Variants in CUX2 observed in about 807,000 individuals in gnomAD.
CUX2 encodes the protein cut like homeobox 2.
In CUX2, 40 loss-of-function variants were observed where a neutral mutation model predicts 144.8. The ratio of observed to expected loss-of-function variants is 0.28; its 90% confidence interval spans 0.21 to 0.36. The LOEUF is 0.36. Ranked by LOEUF, CUX2 falls within the 10% of genes least tolerant of loss-of-function variation. The pLI is 1.00. For missense variants in CUX2, 1,615 were observed against 1,994.0 expected (o/e 0.81, Z 3.62); for synonymous variants, 827 against 875.6 (o/e 0.94, Z 0.98).
intron 1 of CUX2, among the ~76,000 whole-genome samples, chr12:111,206,033 A>G (rs373383414): frequency 6.6e-6 from 1 of 152,252 alleles, no homozygotes; most frequent in Non-Finnish European, 1.5e-5. Flanking sequence ...AGAAAACTCA[A>G]GACAAGAACC....
At position 111,295,919 on chromosome 12, in the gene CUX2, G is replaced by A. The variant is rs140143245; in HGVS notation, c.637+510G>A. The stretch of plus-strand genomic sequence containing the variant: ...AGCCACTGCTTAGTACCAGCCAGGC[G>A]CTACCATATGGTCCCCTGTGGCCAG... On this transcript the variant is annotated intron_variant, in intron 7 of 21. Coordinates refer to ENST00000261726, the MANE Select transcript of CUX2 (RefSeq NM_015267.4). This position sits in a 1 kb window ranked among gnomAD's most constrained non-coding sequence, Gnocchi z 5.0. 1.3e-4 allele frequency among the ~76,000 whole-genome samples: 20 copies of A among 152,126 alleles called. No individual in the cohort carries two copies. The highest frequency in any genetic ancestry group is 5.2e-4 in the Admixed American group (8 of 15,288).
intron 1 of CUX2, among the ~76,000 whole-genome samples, chr12:111,038,931 G>T (rs1194462777): frequency 6.6e-6 from 1 of 151,230 alleles, no homozygotes; most frequent in African/African-American, 2.4e-5. Flanking sequence ...GGTGGTGGTG[G>T]TTTTTCTTTC....
At chr12:111,306,876 C>T (rs781531354) in intron 10 of CUX2, 45 bp from the exon 11 acceptor site, 8 of 1,511,604 alleles carry the variant, frequency 5.3e-6, no homozygotes, top group Non-Finnish European at 7.2e-6. Context: ...CCTGTGGACC[C>T]CCATCCCTCA....
At chr12:111,173,365 G>A (rs918933013) in intron 1 of CUX2, among the ~76,000 whole-genome samples, 1 of 152,240 alleles carries the variant, frequency 6.6e-6, no homozygotes, top group South Asian at 2.1e-4. Flanking sequence ...ATGCCAGGGG[G>A]CACTTTCTTT....
At chr12:111,278,897 C>T (rs1885000300) in intron 4 of CUX2, among the ~76,000 whole-genome samples, 1 of 152,158 alleles carries the variant, frequency 6.6e-6, no homozygotes, top group Non-Finnish European at 1.5e-5. Context: ...TTGGCAGAAT[C>T]CTGTAATTGT....
intron 1 of CUX2, among the ~76,000 whole-genome samples, chr12:111,194,531 C>T (rs1348743871): frequency 1.3e-5 from 2 of 152,240 alleles, no homozygotes; most frequent in Non-Finnish European, 2.9e-5. Flanking sequence ...ACTCCCGACC[C>T]TGCTGGGCCC....
At chr12:111,130,015 T>G (rs1056552166) in intron 1 of CUX2, among the ~76,000 whole-genome samples, 4 of 152,200 alleles carry the variant, frequency 2.6e-5, no homozygotes, top group African/African-American at 7.2e-5. Context: ...CTGGAATCAA[T>G]GTCAGTTCTG....
chr12:111,135,580 C>T (rs1051996435), intron 1 of CUX2, among the ~76,000 whole-genome samples: 13 of 152,184 alleles, frequency 8.5e-5, no homozygotes, highest in South Asian at 2.1e-4. Context: ...AGAACCAACC[C>T]GCATGTGCAT....
At chr12:111,134,618 C>CTGTGTGTGTGTGTGTGTG (rs773865569) in intron 1 of CUX2, among the ~76,000 whole-genome samples, 6 of 146,230 alleles carry the variant, frequency 4.1e-5, no homozygotes, top group African/African-American at 1.6e-4. Context: ...CTCTCTCTCT[C>CTGTGTGTGTGTGTGTGTG]TCTGTGTGTG....
chr12:111,291,022 C>A (rs1885651811), intron 4 of CUX2, among the ~76,000 whole-genome samples: 1 of 151,988 alleles, frequency 6.6e-6, no homozygotes, highest in African/African-American at 2.4e-5. Flanking sequence ...ACCACCACAC[C>A]CGGCTAATTT....
At chr12:111,264,236 GCCAA>G (rs1884270472) in intron 4 of CUX2, among the ~76,000 whole-genome samples, 1 of 152,138 alleles carries the variant, frequency 6.6e-6, no homozygotes, top group South Asian at 2.1e-4. Flanking sequence ...GAATGGCACA[GCCAA>G]CCCCAAAAAT....
chr12:111,081,021 C>T (rs777090152), intron 1 of CUX2, among the ~76,000 whole-genome samples: 2 of 152,130 alleles, frequency 1.3e-5, no homozygotes, highest in African/African-American at 2.4e-5. Flanking sequence ...TACATAGGAG[C>T]TCTTATAGCT....
intron 1 of CUX2, among the ~76,000 whole-genome samples, chr12:111,213,253 C>G (rs1202272496): frequency 6.6e-6 from 1 of 152,158 alleles, no homozygotes; most frequent in African/African-American, 2.4e-5. Flanking sequence ...AGCAGCCGAC[C>G]ACATAAACAG....
intron 1 of CUX2, among the ~76,000 whole-genome samples, chr12:111,194,251 C>G (rs1037407066): frequency 2.0e-5 from 3 of 152,186 alleles, no homozygotes; most frequent in Non-Finnish European, 2.9e-5. Flanking sequence ...CAGCACCCCC[C>G]TCCTGGGGTT....
chr12:111,145,854 T>TTTTTG (rs550078285), intron 1 of CUX2, among the ~76,000 whole-genome samples: 15 of 151,732 alleles, frequency 9.9e-5, no homozygotes, highest in African/African-American at 2.2e-4. Context: ...TGTTTGTTTG[T>TTTTTG]TTTTGTTTTG....
chr12:111,170,577 G>A (rs1199851487), intron 1 of CUX2, among the ~76,000 whole-genome samples: 1 of 126,440 alleles, frequency 7.9e-6, no homozygotes, highest in East Asian at 2.1e-4. Context: ...TTTTTGAGAC[G>A]GTGTGTCACT....
At position 111,231,878 on chromosome 12, in the gene CUX2, C is replaced by A. The variant is rs565465233; in HGVS notation, c.222+13941C>A. On this transcript the variant is annotated intron_variant, in intron 3 of 21. Coordinates refer to ENST00000261726, the MANE Select transcript of CUX2 (RefSeq NM_015267.4). The stretch of plus-strand genomic sequence containing the variant: ...ATCCCAGCACTTTGGGAGGCTGGGG[C>A]AGGTAGATCATGAAGTCAAGAGATC... 2.6e-5 allele frequency among the ~76,000 whole-genome samples: 4 copies of A among 152,164 alleles called. No individual in the cohort carries two copies. The East Asian group carries it at 7.7e-4, about 29-fold the overall frequency.
At position 111,178,885 on chromosome 12, in the gene CUX2, C is replaced by T. The variant is rs772313889; in HGVS notation, c.64-35315C>T. Among the ~76,000 whole-genome samples the T allele has an allele frequency of 4.6e-5, 7 of 152,032 alleles. No homozygotes were observed. The highest frequency in any genetic ancestry group is 8.8e-5 in the Non-Finnish European group (6 of 68,018). ...CGTGTGCATGTGCCAGGTCCAGGAG[C>T]GTGTCTGGACTCTGTAACGGGGAAT... is the stretch of plus-strand genomic sequence containing the variant. On this transcript the variant is annotated intron_variant, in intron 1 of 21. Transcript: ENST00000261726. This position sits in a 1 kb window ranked among gnomAD's most constrained non-coding sequence, Gnocchi z 5.7.
chr12:111,072,189 A>G (rs1182171574), intron 1 of CUX2, among the ~76,000 whole-genome samples: 2 of 152,236 alleles, frequency 1.3e-5, no homozygotes, highest in Non-Finnish European at 1.5e-5. Flanking sequence ...CACTGAGTCT[A>G]TAGATCAAGT....
Sources: gnomAD v4.1 joint callset for allele counts (sites outside exome capture counted in the v4.1 genomes callset) on GRCh38, gnomAD v4.1.1 for gene constraint, Gnocchi (gnomAD v3.1) non-coding constraint, MANE v1.5 for transcripts, NCBI Gene and HGNC (gene_info 2026-07-23, HGNC 2026-07-21) for gene names.